The following PRICKLE1 variants were observed in gnomAD, a reference collection of about 807,000 sequenced individuals.
The protein encoded by PRICKLE1 is prickle-like protein 1.
A neutral mutation model predicts 70.2 loss-of-function variants in PRICKLE1; 14 were observed. That is an observed-to-expected ratio of 0.20 (90% CI 0.13 to 0.31). The LOEUF is 0.31. Among genes scored for constraint, PRICKLE1 ranks in the 10% least tolerant of loss-of-function variants. PRICKLE1 has a pLI of 1.00. For missense variants in PRICKLE1, 821 were observed against 1,026.2 expected (o/e 0.80, Z 2.73); for synonymous variants, 357 against 379.9 (o/e 0.94, Z 0.70).
intron 1 of PRICKLE1, among the ~76,000 whole-genome samples, chr12:42,482,531 TAC>T (rs1555232371): frequency 2.0e-5 from 3 of 152,214 alleles, no homozygotes; most frequent in Non-Finnish European, 4.4e-5. Flanking sequence ...GACTCCAATG[TAC>T]ACACAGACTC....
intron 1 of PRICKLE1, among the ~76,000 whole-genome samples, chr12:42,557,224 T>G (rs1226551444): frequency 6.6e-6 from 1 of 152,192 alleles, no homozygotes; most frequent in African/African-American, 2.4e-5. Flanking sequence ...TGAAGGCTTT[T>G]AAAATAAAGT....
chr12:42,506,815 C>T (rs532201480), intron 1 of PRICKLE1, among the ~76,000 whole-genome samples: 11 of 151,904 alleles, frequency 7.2e-5, no homozygotes, highest in South Asian at 2.1e-4. Flanking sequence ...TTGTGATCTA[C>T]CCGCCTCGAC....
rs1240753248 is a variant in PRICKLE1, at chr12:42,457,756, C to T, written c.*2053G>A. 1 of 152,194 alleles carries T rather than the reference C, an allele frequency of 6.6e-6. No individual in the cohort carries two copies. Among genetic ancestry groups the T allele is most frequent in the Non-Finnish European group, 1.5e-5 (1 of 68,050 alleles). The allele number at this position is 152,194 out of a possible 1,614,324, so 9.4% of individuals were successfully genotyped here. A position where few individuals can be genotyped will look rare whatever the true frequency, so the allele number is the denominator to read the frequency against. ...CACATACAAAGGGAAAAAAGCATGT[C>T]ACAGCACATATAGGTCACTACCACT... On this transcript the variant is annotated 3_prime_UTR_variant, in exon 8 of 8. Coordinates refer to ENST00000345127, the MANE Select transcript of PRICKLE1 (RefSeq NM_153026.3).
Position 42,459,701 on chromosome 12 carries a change from C to T in PRICKLE1, c.*108G>A. On this transcript the variant is annotated 3_prime_UTR_variant, in exon 8 of 8. Coordinates refer to ENST00000345127, the MANE Select transcript of PRICKLE1 (RefSeq NM_153026.3). The stretch of plus-strand genomic sequence containing the variant: ...GCAGTTGAGTTCTCATTTACATGGG[C>T]AAAGAAAGCACTTTAAACTATTTTC... 1.5e-6 allele frequency: 2 copies of T among 1,309,452 alleles called. No homozygotes were observed. The highest frequency in any genetic ancestry group is 2.2e-6 in the Non-Finnish European group (2 of 914,936). The allele number at this position is 1,309,452 out of a possible 1,614,324, so 81.1% of individuals were successfully genotyped here. A position where few individuals can be genotyped will look rare whatever the true frequency, so the allele number is the denominator to read the frequency against.
At chr12:42,515,710 G>A (rs1725674481) in intron 1 of PRICKLE1, among the ~76,000 whole-genome samples, 1 of 152,176 alleles carries the variant, frequency 6.6e-6, no homozygotes, top group Non-Finnish European at 1.5e-5. Flanking sequence ...AGAACTTTGA[G>A]GGTTCTGCTC....
chr12:42,529,706 C>A (rs1939873226), intron 1 of PRICKLE1, among the ~76,000 whole-genome samples: 1 of 152,014 alleles, frequency 6.6e-6, no homozygotes, highest in South Asian at 2.1e-4. Context: ...ACCAGCCTGG[C>A]CAACGTGGTA....
At chr12:42,515,343 G>A (rs12310608) in intron 1 of PRICKLE1, among the ~76,000 whole-genome samples, 5,207 of 151,354 alleles carry the variant, frequency 0.034, 282 homozygotes, top group African/African-American at 0.12. Context: ...AGGTTCAAGC[G>A]ATTCTCCTGC....
At chr12:42,498,921 G>A (rs1223100329) in intron 1 of PRICKLE1, among the ~76,000 whole-genome samples, 1 of 152,126 alleles carries the variant, frequency 6.6e-6, no homozygotes, top group African/African-American at 2.4e-5. Flanking sequence ...TCAGACCAAG[G>A]GCTTCCACAC....
chr12:42,537,905 T>C (rs959254385), intron 1 of PRICKLE1, among the ~76,000 whole-genome samples: 2 of 152,206 alleles, frequency 1.3e-5, no homozygotes, highest in African/African-American at 4.8e-5. Flanking sequence ...AATGACATAA[T>C]GCAATGAAAC....
rs766000495 is a variant in PRICKLE1, at chr12:42,464,832, G to A, written c.1202C>T (p.Thr401Ile). The stretch of plus-strand genomic sequence containing the variant: ...AGCCCATTCTTCAGGGTCTTCTGGA[G>A]TTTCCTGCTCTACTCTGCCTTTCCA... Reference protein sequence around the residue: ...EFWKGRVEQETPEDPEEWADH... With the variant: ...EFWKGRVEQEIPEDPEEWADH... The change falls in exon 7 of 8, where the codon ACT becomes ATT. Residue 401 changes from threonine (T) to isoleucine (I), a missense_variant. Transcript: ENST00000345127. The surrounding 1 kb of genome is among the most constrained non-coding windows in gnomAD (Gnocchi z 4.2). 6.2e-7 allele frequency: 1 copy of A among 1,614,062 alleles called. No individual in the cohort carries two copies. Among genetic ancestry groups the A allele is most frequent in the East Asian group, 2.2e-5 (1 of 44,870 alleles).
intron 1 of PRICKLE1, among the ~76,000 whole-genome samples, chr12:42,564,546 T>A (rs1940590302): frequency 6.6e-6 from 1 of 152,120 alleles, no homozygotes. Context: ...AGGCAGAGGT[T>A]GCGGTGAGCT....
In PRICKLE1 at chr12:42,465,381, A is replaced by T. The variant is rs916314654; in HGVS notation, c.776-123T>A. ...TGGGGGAGCTGTGTGGGTGACACAG[A>T]TATAATTAATCCTCATTCTTTGTGG... is the stretch of plus-strand genomic sequence containing the variant. On this transcript the variant is annotated intron_variant, in intron 6 of 7. Coordinates refer to ENST00000345127, the MANE Select transcript of PRICKLE1 (RefSeq NM_153026.3). 34 of 854,046 alleles carry T rather than the reference A, an allele frequency of 4.0e-5. No homozygotes were observed. The African/African-American group carries it at 4.6e-4, about 12-fold the overall frequency. The allele number at this position is 854,046 out of a possible 1,614,324, so 52.9% of individuals were successfully genotyped here.
chr12:42,588,325 CTGAT>C (rs1288331596), intron 1 of PRICKLE1, among the ~76,000 whole-genome samples: 6 of 152,304 alleles, frequency 3.9e-5, no homozygotes, highest in South Asian at 2.1e-4. Flanking sequence ...TTCCAAAGTA[CTGAT>C]TAAGACGAGG....
intron 1 of PRICKLE1, among the ~76,000 whole-genome samples, chr12:42,499,950 C>T (rs1440740522): frequency 6.6e-6 from 1 of 151,680 alleles, no homozygotes; most frequent in Non-Finnish European, 1.5e-5. Flanking sequence ...GAGTTTTCAC[C>T]ATGTTGGCCA....
Position 42,457,925 on chromosome 12 carries a change from T to C in PRICKLE1, c.*1884A>G, listed in dbSNP as rs1169277525. 6.6e-6 allele frequency: 1 copy of C among 152,258 alleles called. No homozygotes were observed. Among genetic ancestry groups the C allele is most frequent in the East Asian group, 1.9e-4 (1 of 5,198 alleles). 9.4% of individuals were successfully genotyped at this position (152,258 alleles called of 1,614,324 possible). ...GATGCTGTCTCTGACTTTTGCCCTA[T>C]TTGAATTTTTTTGTCATGTGTATGC... is the stretch of plus-strand genomic sequence containing the variant. On this transcript the variant is annotated 3_prime_UTR_variant, in exon 8 of 8. Coordinates refer to ENST00000345127, the MANE Select transcript of PRICKLE1 (RefSeq NM_153026.3).
At chr12:42,494,469 A>G (rs1195386903) in intron 1 of PRICKLE1, among the ~76,000 whole-genome samples, 5 of 152,170 alleles carry the variant, frequency 3.3e-5, no homozygotes. Context: ...CTTCACCAGG[A>G]GTAGATTCCA....
intron 1 of PRICKLE1, among the ~76,000 whole-genome samples, chr12:42,500,026 C>T (rs1013702085): frequency 3.3e-5 from 5 of 152,194 alleles, no homozygotes; most frequent in East Asian, 1.9e-4. Flanking sequence ...GCTGGGATTA[C>T]AGGCATGAGC....
intron 1 of PRICKLE1, among the ~76,000 whole-genome samples, chr12:42,526,829 AATG>A (rs1470038087): frequency 6.6e-6 from 1 of 152,028 alleles, no homozygotes; most frequent in Non-Finnish European, 1.5e-5. Context: ...AATGTAAAAT[AATG>A]ATGACGACGA....
chr12:42,510,570 G>A (rs1237647671), intron 1 of PRICKLE1, among the ~76,000 whole-genome samples: 1 of 131,856 alleles, frequency 7.6e-6, no homozygotes, highest in African/African-American at 2.6e-5. Flanking sequence ...GCATTTTTAA[G>A]GGAGAAAGCA....
Sources: gnomAD v4.1 joint callset for allele counts (sites outside exome capture counted in the v4.1 genomes callset) on GRCh38, gnomAD v4.1.1 for gene constraint, Gnocchi (gnomAD v3.1) non-coding constraint, MANE v1.5 for transcripts, NCBI Gene and HGNC (gene_info 2026-07-23, HGNC 2026-07-21) for gene names.